The following LYPD6 variants were observed in gnomAD, a reference collection of about 807,000 sequenced individuals.
The protein encoded by LYPD6 is ly6/PLAUR domain-containing protein 6.
In LYPD6, 15 loss-of-function variants were observed where a neutral mutation model predicts 22.7. The observed-to-expected ratio is 0.66, with a 90% CI of 0.44 to 1.02. LYPD6 has a LOEUF of 1.02. LYPD6 is among the 50% of genes least tolerant of loss of function. The probability of loss-of-function intolerance (pLI) is 0.00; values close to 1 mark genes in which losing one functional copy is unlikely to be tolerated. For missense variants in LYPD6, 189 were observed against 208.4 expected (o/e 0.91, Z 0.57); for synonymous variants, 72 against 77.5 (o/e 0.93, Z 0.37).
chr2:149,466,042 CA>C (rs1316185775), intron 3 of LYPD6, among the ~76,000 whole-genome samples: 2 of 152,076 alleles, frequency 1.3e-5, no homozygotes, highest in Non-Finnish European at 2.9e-5. Flanking sequence ...ATTACTAACC[CA>C]AGGAGTTTTC....
At chr2:149,358,369 C>G (rs544486318) in intron 1 of LYPD6, among the ~76,000 whole-genome samples, 3 of 152,124 alleles carry the variant, frequency 2.0e-5, no homozygotes, top group Non-Finnish European at 4.4e-5. Context: ...GAAATCATGA[C>G]GTAAAGTACA....
downstream of LYPD6, among the ~76,000 whole-genome samples, chr2:149,477,991 A>C (rs1332408163): frequency 6.6e-6 from 1 of 152,106 alleles, no homozygotes; most frequent in African/African-American, 2.4e-5. Flanking sequence ...ATTTTTATAG[A>C]TTGGTCTTCA....
chr2:149,378,472 T>A (rs1411633630), intron 1 of LYPD6, among the ~76,000 whole-genome samples: 1 of 152,360 alleles, frequency 6.6e-6, no homozygotes, highest in East Asian at 1.9e-4. Context: ...TTCTCCTGTT[T>A]TTAAGTAGTC....
At chr2:149,331,944 TC>T (rs1680947136) in intron 1 of LYPD6, among the ~76,000 whole-genome samples, 1 of 152,236 alleles carries the variant, frequency 6.6e-6, no homozygotes, top group Admixed American at 6.5e-5. Context: ...ACATTTTCTT[TC>T]GAGTGAGAGG....
Position 149,350,129 on chromosome 2 carries a change from A to G in LYPD6, c.-72+19407A>G, listed in dbSNP as rs955726589. ...TTTGATACAAAGTAACAAAGCAAAA[A>G]TGAACCTCATAAAAGAATACAAAGG... On this transcript the variant is annotated intron_variant, in intron 1 of 4. Coordinates refer to ENST00000334166, the MANE Select transcript of LYPD6 (RefSeq NM_194317.5). Among the ~76,000 whole-genome samples the G allele has an allele frequency of 3.3e-5, 5 of 152,368 alleles. No homozygotes were observed. In the East Asian group the frequency reaches 7.7e-4, roughly 24 times the overall value.
intron 1 of LYPD6, among the ~76,000 whole-genome samples, chr2:149,428,292 A>G (rs1683228741): frequency 6.6e-6 from 1 of 152,236 alleles, no homozygotes; most frequent in Non-Finnish European, 1.5e-5. Context: ...TGCAAGGGAC[A>G]GAATGCCAGC....
At chr2:149,366,918 G>A (rs1196958283) in intron 1 of LYPD6, among the ~76,000 whole-genome samples, 1 of 151,962 alleles carries the variant, frequency 6.6e-6, no homozygotes, top group East Asian at 1.9e-4. Flanking sequence ...GATTCTTTTA[G>A]CCTTAGCTTT....
chr2:149,370,416 A>G (rs957115058), intron 1 of LYPD6: 1 of 151,946 alleles, frequency 6.6e-6, no homozygotes, highest in Non-Finnish European at 1.5e-5. Flanking sequence ...GAGGTGATTT[A>G]CTCATGAGGG....
At chr2:149,369,647 G>C (rs1004935295) in intron 1 of LYPD6, among the ~76,000 whole-genome samples, 1 of 152,134 alleles carries the variant, frequency 6.6e-6, no homozygotes, top group Non-Finnish European at 1.5e-5. Context: ...TGAAATGATA[G>C]GAAGACAGTG....
chr2:149,474,867 C>A (rs1681424851), downstream of LYPD6, among the ~76,000 whole-genome samples: 1 of 151,996 alleles, frequency 6.6e-6, no homozygotes, highest in African/African-American at 2.4e-5. Flanking sequence ...CTCCTGGATG[C>A]AAGCAATTCT....
intron 1 of LYPD6, among the ~76,000 whole-genome samples, chr2:149,409,043 A>G (rs1682792485): frequency 6.6e-6 from 1 of 152,182 alleles, no homozygotes; most frequent in Admixed American, 6.5e-5. Context: ...ATGATGTCAT[A>G]AGGAAGATGT....
At chr2:149,431,141 A>G (rs907079007) in intron 1 of LYPD6, among the ~76,000 whole-genome samples, 3 of 152,202 alleles carry the variant, frequency 2.0e-5, no homozygotes, top group African/African-American at 7.2e-5. Flanking sequence ...TAGATTTGCA[A>G]AAGCTCATAA....
chr2:149,424,067 C>T (rs991838117), intron 1 of LYPD6, among the ~76,000 whole-genome samples: 1 of 152,144 alleles, frequency 6.6e-6, no homozygotes, highest in East Asian at 1.9e-4. Flanking sequence ...ACCCTCCTCA[C>T]CAGAAACACC....
intron 1 of LYPD6, among the ~76,000 whole-genome samples, chr2:149,337,553 C>T (rs1201989034): frequency 6.6e-6 from 1 of 152,028 alleles, no homozygotes; most frequent in East Asian, 1.9e-4. Context: ...TCTCTTTCAG[C>T]CTTTGGCTTG....
At chr2:149,406,588 G>C (rs544280430) in intron 1 of LYPD6, among the ~76,000 whole-genome samples, 175 of 152,308 alleles carry the variant, frequency 1.1e-3, no homozygotes, top group African/African-American at 4.0e-3. Flanking sequence ...TTGCTTGATA[G>C]ATCTTCCTCC....
intron 3 of LYPD6, chr2:149,464,310 GC>G (rs1360588215): frequency 5.6e-5 from 17 of 304,172 alleles, no homozygotes. Context: ...TTTGGATTGA[GC>G]CTTGAAGAAT....
intron 2 of LYPD6, 91 bp downstream of exon 2, chr2:149,437,917 A>G: frequency 1.4e-6 from 2 of 1,388,038 alleles, no homozygotes; most frequent in Non-Finnish European, 2.0e-6. Context: ...CCTTCAGTAT[A>G]GTGAAAACCT....
At chr2:149,368,789 A>G (rs1201305201) in intron 1 of LYPD6, among the ~76,000 whole-genome samples, 1 of 152,054 alleles carries the variant, frequency 6.6e-6, no homozygotes, top group Non-Finnish European at 1.5e-5. Flanking sequence ...TGAATTTGAG[A>G]TCCTAAAGAT....
intron 1 of LYPD6, among the ~76,000 whole-genome samples, chr2:149,332,950 T>C (rs1005560274): frequency 3.3e-5 from 5 of 152,204 alleles, no homozygotes; most frequent in Admixed American, 1.3e-4. Context: ...GATGTCCTAA[T>C]TGTAATGTTT....
Sources: allele counts gnomAD v4.1 joint callset (sites outside exome capture counted in the v4.1 genomes callset), GRCh38; gene constraint gnomAD v4.1.1; transcripts MANE v1.5; gene names NCBI Gene and HGNC (gene_info 2026-07-23, HGNC 2026-07-21).